CEP112: variants seen among roughly 807,000 people sequenced by gnomAD.
CEP112 encodes centrosomal protein 112.
Under a neutral mutation model 153.0 loss-of-function variants are expected in CEP112, and 127 were observed. The observed-to-expected ratio is 0.83, with a 90% CI of 0.72 to 0.96. The LOEUF is 0.96. Ranked by LOEUF, CEP112 falls within the 40% of genes least tolerant of loss-of-function variation. The probability of loss-of-function intolerance (pLI) is 0.00; values close to 1 mark genes in which losing one functional copy is unlikely to be tolerated. For synonymous variants in CEP112, 358 were observed against 374.4 expected, an observed-to-expected ratio of 0.96 and a Z score of 0.51; for missense variants, 1,089 against 1,101.2, an observed-to-expected ratio of 0.99 and a Z score of 0.16.
chr17:65,823,720 T>C (rs191780592), intron 21 of CEP112, among the ~76,000 whole-genome samples: 1 of 152,242 alleles, frequency 6.6e-6, no homozygotes, highest in Admixed American at 6.5e-5. Flanking sequence ...GCAAATCACA[T>C]ATCTTATAAA....
chr17:65,648,822 G>T (rs1183193370), intron 24 of CEP112, among the ~76,000 whole-genome samples: 1 of 151,956 alleles, frequency 6.6e-6, no homozygotes, highest in Non-Finnish European at 1.5e-5. Context: ...AGGCCGAGGT[G>T]GGTGGATCAC....
In CEP112 at chr17:65,660,248, TTC is replaced by T. The variant is rs1293557453; in HGVS notation, c.2698-19185_2698-19184del. ...CCCTCCTTCCTTCCTCTTTTTTGTT[TTC>T]TTTCTTTTTTCTTTTCTTTTTCTCC... On this transcript the variant is annotated intron_variant, in intron 24 of 26. Transcript: ENST00000535342. 2.3e-3 allele frequency among the ~76,000 whole-genome samples: 246 copies of T among 109,010 alleles called. 1 individual carries two copies. Among genetic ancestry groups the T allele is most frequent in the Non-Finnish European group, 2.9e-3 (150 of 51,040 alleles). The allele number at this position is 109,010 out of a possible 152,430, so 71.5% of individuals were successfully genotyped here. A position where few individuals can be genotyped will look rare whatever the true frequency, so the allele number is the denominator to read the frequency against.
At chr17:65,725,312 A>T (rs2050115562) in intron 23 of CEP112, among the ~76,000 whole-genome samples, 2 of 152,124 alleles carry the variant, frequency 1.3e-5, no homozygotes, top group African/African-American at 4.8e-5. Flanking sequence ...GTAACCAGGG[A>T]TTATATGTGT....
intron 20 of CEP112, among the ~76,000 whole-genome samples, chr17:65,890,823 G>A (rs1171763937): frequency 6.6e-6 from 1 of 152,124 alleles, no homozygotes; most frequent in Non-Finnish European, 1.5e-5. Flanking sequence ...CATCAGCAAA[G>A]GGTGCCTTCA....
At chr17:65,840,359 A>G (rs1173335184) in intron 21 of CEP112, among the ~76,000 whole-genome samples, 1 of 152,050 alleles carries the variant, frequency 6.6e-6, no homozygotes, top group Non-Finnish European at 1.5e-5. Flanking sequence ...ACACCTTTAC[A>G]GCTAACTCAT....
intron 8 of CEP112, among the ~76,000 whole-genome samples, chr17:66,083,842 A>T (rs1413772723): frequency 6.6e-6 from 1 of 152,180 alleles, no homozygotes; most frequent in Non-Finnish European, 1.5e-5. Context: ...TGGGTGACTG[A>T]GCGAGACTCC....
intron 25 of CEP112, among the ~76,000 whole-genome samples, chr17:65,638,727 T>C: frequency 6.6e-6 from 1 of 152,148 alleles, no homozygotes; most frequent in East Asian, 1.9e-4. Flanking sequence ...CTAAATTTGC[T>C]CACTGTATGG....
chr17:65,707,028 C>T (rs1372601414), intron 23 of CEP112, among the ~76,000 whole-genome samples: 1 of 152,214 alleles, frequency 6.6e-6, no homozygotes, highest in Non-Finnish European at 1.5e-5. Flanking sequence ...CCACTAACCC[C>T]TGTGGATTCA....
At chr17:65,948,703 T>C (rs1433862293) in intron 18 of CEP112, among the ~76,000 whole-genome samples, 1 of 113,150 alleles carries the variant, frequency 8.8e-6, no homozygotes, top group African/African-American at 2.9e-5. Flanking sequence ...CATTTCAGTA[T>C]AAATTAGATT....
intron 24 of CEP112, among the ~76,000 whole-genome samples, chr17:65,659,469 C>A (rs2046237827): frequency 6.6e-6 from 1 of 152,160 alleles, no homozygotes; most frequent in Admixed American, 6.5e-5. Context: ...AATAGGAAGA[C>A]AAAGGCAGCC....
In CEP112 at chr17:65,962,852, G is replaced by A. The variant is rs926087491; in HGVS notation, c.1737-1254C>T. Among the ~76,000 whole-genome samples, 6 of 152,162 alleles carry A rather than the reference G, an allele frequency of 3.9e-5. No homozygotes were observed. The East Asian group carries it at 1.2e-3, about 29-fold the overall frequency. On this transcript the variant is annotated intron_variant, in intron 17 of 26. Coordinates refer to ENST00000535342, the MANE Select transcript of CEP112 (RefSeq NM_001199165.4). ...CCTTGCCTTCCGCCATGATTGTGAGGCCTCCCCAGCCACGTGGAACTGTAA... is the reference window on the plus strand; with the variant it reads ...CCTTGCCTTCCGCCATGATTGTGAGACCTCCCCAGCCACGTGGAACTGTAA...
chr17:65,636,983 T>G, intron 26 of CEP112, 141 bp downstream of exon 26: 1 of 651,814 alleles, frequency 1.5e-6, no homozygotes, highest in South Asian at 1.9e-5. Context: ...CTTAAAGACA[T>G]GCTACTTACT....
At chr17:66,071,308 T>C (rs2067301079) in intron 8 of CEP112, among the ~76,000 whole-genome samples, 2 of 152,134 alleles carry the variant, frequency 1.3e-5, no homozygotes, top group Non-Finnish European at 2.9e-5. Flanking sequence ...TTCCCTTGCC[T>C]CTAAATCACA....
chr17:65,931,312 A>G (rs941128493), intron 18 of CEP112, among the ~76,000 whole-genome samples: 1 of 152,226 alleles, frequency 6.6e-6, no homozygotes, highest in African/African-American at 2.4e-5. Flanking sequence ...ATGCTCTTGG[A>G]TTACAGAACT....
intron 6 of CEP112, among the ~76,000 whole-genome samples, chr17:66,111,668 G>C (rs1341982429): frequency 6.6e-6 from 1 of 151,828 alleles, no homozygotes; most frequent in Non-Finnish European, 1.5e-5. Flanking sequence ...AAGAACATAA[G>C]AACACTGAGA....
intron 24 of CEP112, among the ~76,000 whole-genome samples, chr17:65,680,078 A>G (rs1427720093): frequency 6.6e-6 from 1 of 152,196 alleles, no homozygotes; most frequent in East Asian, 1.9e-4. Context: ...GAGAGATTTG[A>G]AAGAAAAATC....
chr17:65,680,795 A>G (rs1034154388), intron 24 of CEP112, among the ~76,000 whole-genome samples: 4 of 152,228 alleles, frequency 2.6e-5, no homozygotes, highest in Non-Finnish European at 5.9e-5. Context: ...AAAACTTACA[A>G]TCATGGCGGA....
chr17:65,873,512 T>G (rs538576059), intron 20 of CEP112: 1 of 152,186 alleles, frequency 6.6e-6, no homozygotes, highest in Non-Finnish European at 1.5e-5. Context: ...ACCTTAGCTA[T>G]CCAGCTTCTA....
At chr17:65,742,281 C>T (rs147579458) in intron 23 of CEP112, among the ~76,000 whole-genome samples, 24 of 152,238 alleles carry the variant, frequency 1.6e-4, no homozygotes, top group East Asian at 1.9e-4. Context: ...TTACTCCACA[C>T]GCTTTAAGTA....
Sources: allele counts gnomAD v4.1 joint callset (sites outside exome capture counted in the v4.1 genomes callset), GRCh38; gene constraint gnomAD v4.1.1; transcripts MANE v1.5; gene names NCBI Gene and HGNC (gene_info 2026-07-23, HGNC 2026-07-21).